The following SPOCK3 variants were observed in gnomAD, a reference collection of about 807,000 sequenced individuals.
SPOCK3 encodes the protein testican-3.
In SPOCK3, 30 loss-of-function variants were observed where a neutral mutation model predicts 56.6. The ratio of observed to expected loss-of-function variants is 0.53; its 90% CI spans 0.40 to 0.72. SPOCK3 has a LOEUF of 0.72. Ranked by LOEUF, SPOCK3 falls within the 30% of genes least tolerant of loss-of-function variation. The probability of loss-of-function intolerance (pLI) is 0.00; values close to 1 mark genes in which losing one functional copy is unlikely to be tolerated. For missense variants in SPOCK3, 527 were observed against 530.0 expected, an observed-to-expected ratio of 0.99 and a Z score of 0.06; for synonymous variants, 196 against 183.3, an observed-to-expected ratio of 1.07 and a Z score of -0.56.
At chr4:167,189,666 C>A (rs1007930873) in intron 2 of SPOCK3, among the ~76,000 whole-genome samples, 3 of 144,592 alleles carry the variant, frequency 2.1e-5, no homozygotes, top group Non-Finnish European at 4.5e-5. Context: ...TCTAAAAACA[C>A]TCAAGTATAT....
At chr4:167,078,650 C>A (rs749554876) in intron 2 of SPOCK3, among the ~76,000 whole-genome samples, 19 of 151,156 alleles carry the variant, frequency 1.3e-4, no homozygotes, top group Non-Finnish European at 7.4e-5. Flanking sequence ...ATAATAATAA[C>A]CCATAATCAC....
intron 6 of SPOCK3, among the ~76,000 whole-genome samples, chr4:166,873,232 T>G (rs533669621): frequency 6.6e-6 from 1 of 151,444 alleles, no homozygotes; most frequent in Admixed American, 6.6e-5. Flanking sequence ...ACATCAGTGG[T>G]TTCCAGGGCT....
intron 6 of SPOCK3, among the ~76,000 whole-genome samples, chr4:166,809,408 T>A (rs750095580): frequency 3.3e-5 from 5 of 152,040 alleles, no homozygotes; most frequent in Non-Finnish European, 7.4e-5. Context: ...TTATTCCAAA[T>A]ATTTAGGTCA....
At chr4:167,096,636 A>G (rs1759182238) in intron 2 of SPOCK3, among the ~76,000 whole-genome samples, 1 of 151,682 alleles carries the variant, frequency 6.6e-6, no homozygotes, top group African/African-American at 2.4e-5. Flanking sequence ...AATTATTTTT[A>G]TTTTTTAAAT....
At position 166,988,631 on chromosome 4, in the gene SPOCK3, C is replaced by A. The variant is rs372116651; in HGVS notation, c.350+11718G>T. On this transcript the variant is annotated intron_variant, in intron 4 of 10. Coordinates refer to ENST00000357545, the MANE Select transcript of SPOCK3 (RefSeq NM_001040159.2). ...GTGTGACTCTGGACAAGTCAGTTCA[C>A]AGGCAACTAATAATAGAATTCATAG... is the stretch of plus-strand genomic sequence containing the variant. Among the ~76,000 whole-genome samples the A allele has an allele frequency of 1.3e-3, 203 of 152,184 alleles. 2 individuals are homozygous for A. The highest frequency in any genetic ancestry group is 4.6e-3 in the African/African-American group (192 of 41,556).
intron 2 of SPOCK3, among the ~76,000 whole-genome samples, chr4:167,127,035 C>A (rs1048595825): frequency 2.0e-5 from 3 of 151,954 alleles, no homozygotes; most frequent in Non-Finnish European, 4.4e-5. Flanking sequence ...ATGGCTCGGA[C>A]CATTATGGAC....
At chr4:166,967,929 C>T (rs554406699) in intron 4 of SPOCK3, among the ~76,000 whole-genome samples, 1 of 152,152 alleles carries the variant, frequency 6.6e-6, no homozygotes, top group South Asian at 2.1e-4. Context: ...GAAGTCCAGA[C>T]TGAGGTGGTC....
intron 3 of SPOCK3, among the ~76,000 whole-genome samples, chr4:167,055,854 G>A (rs1351422964): frequency 6.6e-6 from 1 of 152,222 alleles, no homozygotes; most frequent in Admixed American, 6.5e-5. Context: ...TGCCTCTGTA[G>A]GCTCCACCTC....
At chr4:166,768,486 C>A (rs1054628968) in intron 7 of SPOCK3, among the ~76,000 whole-genome samples, 1 of 152,142 alleles carries the variant, frequency 6.6e-6, no homozygotes, top group African/African-American at 2.4e-5. Context: ...GTTGAAAATT[C>A]TTTCCTTTAA....
At chr4:166,814,210 C>A (rs535111456) in intron 6 of SPOCK3, among the ~76,000 whole-genome samples, 2 of 152,188 alleles carry the variant, frequency 1.3e-5, no homozygotes, top group Admixed American at 1.3e-4. Flanking sequence ...CGTTAGGCAT[C>A]CAGCTTAGAG....
chr4:167,088,461 CTT>C (rs538566191), intron 2 of SPOCK3, among the ~76,000 whole-genome samples: 1,345 of 111,078 alleles, frequency 0.012, 11 homozygotes, highest in African/African-American at 0.047. Flanking sequence ...CCTATGAAAA[CTT>C]TTTTTTTTTT....
At chr4:167,029,836 G>A (rs1251923583) in intron 3 of SPOCK3, among the ~76,000 whole-genome samples, 2 of 151,874 alleles carry the variant, frequency 1.3e-5, no homozygotes, top group Non-Finnish European at 2.9e-5. Flanking sequence ...ATTTTTAAAT[G>A]TTTTCATGTT....
intron 3 of SPOCK3, among the ~76,000 whole-genome samples, chr4:167,028,932 T>G (rs1015348149): frequency 6.6e-6 from 1 of 152,032 alleles, no homozygotes; most frequent in African/African-American, 2.4e-5. Flanking sequence ...TCAATGCTTA[T>G]TTTAAGTTCT....
chr4:166,822,803 A>G (rs1190142973), intron 6 of SPOCK3, among the ~76,000 whole-genome samples: 1 of 152,194 alleles, frequency 6.6e-6, no homozygotes, highest in East Asian at 1.9e-4. Flanking sequence ...TAGAAAGTTA[A>G]TATGAAAGTA....
chr4:166,772,029 G>A (rs969845029), intron 7 of SPOCK3, among the ~76,000 whole-genome samples: 16 of 151,876 alleles, frequency 1.1e-4, no homozygotes, highest in South Asian at 4.1e-4. Flanking sequence ...CCATAAAACC[G>A]AAGATTTTGA....
chr4:167,167,031 T>C (rs1042044717), intron 2 of SPOCK3, among the ~76,000 whole-genome samples: 1 of 152,116 alleles, frequency 6.6e-6, no homozygotes, highest in African/African-American at 2.4e-5. Context: ...TGTCCTCATA[T>C]GATGTTTCAT....
chr4:166,830,572 C>T (rs1396839672), intron 6 of SPOCK3, among the ~76,000 whole-genome samples: 1 of 152,016 alleles, frequency 6.6e-6, no homozygotes, highest in Non-Finnish European at 1.5e-5. Flanking sequence ...TGGCAAAAAC[C>T]TTGTCTACCG....
intron 3 of SPOCK3, among the ~76,000 whole-genome samples, chr4:167,027,154 A>C (rs1301368543): frequency 6.6e-6 from 1 of 151,990 alleles, no homozygotes; most frequent in East Asian, 1.9e-4. Flanking sequence ...GACAGAAAAG[A>C]TCAGGTTTTC....
Position 167,000,429 on chromosome 4 carries a change from C to T in SPOCK3, c.270G>A (p.Met90Ile). The T allele has an allele frequency of 6.2e-7, 1 of 1,604,566 alleles. No homozygotes were observed. The highest frequency in any genetic ancestry group is 2.2e-5 in the East Asian group (1 of 44,582). The change falls in exon 4 of 11, where the codon ATG becomes ATA. Residue 90 changes from methionine (M) to isoleucine (I), a missense_variant. Coordinates refer to ENST00000357545, the MANE Select transcript of SPOCK3 (RefSeq NM_001040159.2). ...LDPAKDPCLK[M>I]KCSRHKVCIA... Reference sequence around the variant, plus strand: ...TGCATACTTTATGGCGACTACATTTCATCTTTAAGCATGGATCCTTAGCTG... The same window carrying T: ...TGCATACTTTATGGCGACTACATTTTATCTTTAAGCATGGATCCTTAGCTG...
Sources: gnomAD v4.1 joint callset for allele counts (sites outside exome capture counted in the v4.1 genomes callset) on GRCh38, gnomAD v4.1.1 for gene constraint, MANE v1.5 for transcripts, NCBI Gene and HGNC (gene_info 2026-07-23, HGNC 2026-07-21) for gene names.